RNF20: variants seen among roughly 807,000 people sequenced by gnomAD.
The protein encoded by RNF20 is ring finger protein 20.
A neutral mutation model predicts 126.2 loss-of-function variants in RNF20; 84 were observed. That is an observed-to-expected ratio of 0.67 (90% CI 0.56 to 0.80). The LOEUF (loss-of-function observed/expected upper bound fraction) is 0.80, where lower values mean the gene tolerates loss of function less well. RNF20 is among the 30% of genes least tolerant of loss of function. The pLI, the probability that RNF20 is intolerant of heterozygous loss-of-function variation, is 0.00. For missense variants in RNF20, 869 were observed against 1,188.2 expected, an observed-to-expected ratio of 0.73 and a Z score of 3.95; for synonymous variants, 400 against 414.3, an observed-to-expected ratio of 0.97 and a Z score of 0.42.
chr9:101,558,482 A>G (rs1827572336), intron 16 of RNF20, among the ~76,000 whole-genome samples: 1 of 152,082 alleles, frequency 6.6e-6, no homozygotes, highest in African/African-American at 2.4e-5. Context: ...GACTCTCCAT[A>G]CTGTTTTCCA....
intron 1 of RNF20, chr9:101,534,372 C>T (rs1383574780): frequency 1.3e-5 from 2 of 152,148 alleles, no homozygotes; most frequent in East Asian, 1.9e-4. Flanking sequence ...TTGGCGAATT[C>T]ACTGTTTCAA....
rs763139863 is a variant in RNF20 at position 101,562,125 on chromosome 9, G to A, written c.2751+114G>A. 8 of 1,313,068 alleles carry A rather than the reference G, an allele frequency of 6.1e-6. No homozygotes were observed. The African/African-American group carries it at 8.9e-5, about 15-fold the overall frequency. 81.3% of individuals were successfully genotyped at this position (1,313,068 alleles called of 1,614,324 possible). A position where few individuals can be genotyped will look rare whatever the true frequency, so the allele number is the denominator to read the frequency against. On this transcript the variant is annotated intron_variant, in intron 19 of 19. Coordinates refer to ENST00000389120, the MANE Select transcript of RNF20 (RefSeq NM_019592.7). ...GAGAATGGTTTATTTTGGAGGTTGG[G>A]GGGAAATGATGCTCTTTTTTTAGTG... is the stretch of plus-strand genomic sequence containing the variant.
chr9:101,556,347 A>G (rs1001926720), intron 15 of RNF20, among the ~76,000 whole-genome samples: 1 of 152,204 alleles, frequency 6.6e-6, no homozygotes, highest in Non-Finnish European at 1.5e-5. Flanking sequence ...TGGGACTACT[A>G]GACAGGCTAT....
chr9:101,540,462 C>A, intron 3 of RNF20, 28 bp from the exon 4 acceptor site: 1 of 1,611,672 alleles, frequency 6.2e-7, no homozygotes, highest in African/African-American at 1.3e-5. Flanking sequence ...TCCTTTGTTT[C>A]TTCATAATTG....
At chr9:101,550,083 T>C (rs1432656517) in intron 9 of RNF20, among the ~76,000 whole-genome samples, 1 of 152,232 alleles carries the variant, frequency 6.6e-6, no homozygotes, top group Non-Finnish European at 1.5e-5. Context: ...GTCATCTCTA[T>C]TTTACAAGTT....
intron 16 of RNF20, among the ~76,000 whole-genome samples, chr9:101,560,128 A>G (rs1253307803): frequency 2.6e-5 from 4 of 152,172 alleles, no homozygotes; most frequent in Non-Finnish European, 1.5e-5. Flanking sequence ...GGATTTTGTC[A>G]AATGCTTTTT....
At chr9:101,552,097 C>T (rs763653736) in intron 11 of RNF20, 44 bp from the exon 12 acceptor site, 1 of 1,613,378 alleles carries the variant, frequency 6.2e-7, no homozygotes, top group Non-Finnish European at 8.5e-7. Flanking sequence ...TGTGCCTTTG[C>T]CCTTACCACG....
intron 11 of RNF20, 141 bp from the exon 12 acceptor site, chr9:101,552,000 T>C: frequency 7.6e-7 from 1 of 1,321,198 alleles, no homozygotes; most frequent in Non-Finnish European, 1.0e-6. Context: ...TGACCAGTTT[T>C]GTTTTCATCT....
chr9:101,538,107 G>A (rs1168901535), intron 2 of RNF20, among the ~76,000 whole-genome samples: 1 of 152,186 alleles, frequency 6.6e-6, no homozygotes, highest in African/African-American at 2.4e-5. Context: ...TAAGGAAACT[G>A]GAGAGAGTGA....
At chr9:101,541,063 A>G (rs1302199497) in intron 5 of RNF20, 88 bp downstream of exon 5, 1 of 886,680 alleles carries the variant, frequency 1.1e-6, no homozygotes, top group South Asian at 2.9e-5. Context: ...AAGCTTACAT[A>G]TTTATTTTTA....
At chr9:101,555,453 C>T (rs1474075412) in intron 15 of RNF20, among the ~76,000 whole-genome samples, 2 of 151,558 alleles carry the variant, frequency 1.3e-5, no homozygotes, top group Non-Finnish European at 2.9e-5. Context: ...TTTTAAATGC[C>T]AGGGAATTTT....
At position 101,543,468 on chromosome 9, in the gene RNF20, A is replaced by AGCACTGTCTAACCCTGCCAGGGTG. The variant is rs1564108044; in HGVS notation, c.629-1279_629-1256dup. 6.3e-4 allele frequency among the ~76,000 whole-genome samples: 92 copies of AGCACTGTCTAACCCTGCCAGGGTG among 145,948 alleles called. 1 individual carries two copies. Among genetic ancestry groups the AGCACTGTCTAACCCTGCCAGGGTG allele is most frequent in the African/African-American group, 2.0e-3 (78 of 39,108 alleles). ...GCGGCACTGTCTAACCTGCCAAGGCAGCACTGTCTAACCCTGCCAGGGTGG... is the reference window on the plus strand; with the variant it reads ...GCGGCACTGTCTAACCTGCCAAGGCAGCACTGTCTAACCCTGCCAGGGTGGCACTGTCTAACCCTGCCAGGGTGG... On this transcript the variant is annotated intron_variant, in intron 5 of 19. Coordinates refer to ENST00000389120, the MANE Select transcript of RNF20 (RefSeq NM_019592.7).
chr9:101,550,743 T>C lies in RNF20; in HGVS notation c.1230T>C (p.His410=). 1 of 1,614,220 alleles carries C rather than the reference T, an allele frequency of 6.2e-7. No individual in the cohort carries two copies. The highest frequency in any genetic ancestry group is 8.5e-7 in the Non-Finnish European group (1 of 1,180,032). ...TGGATGAGGCTCGGACCCTGCTTCA[T>C]GGCACCAGAGGAACCCACCAGCACC... is the stretch of plus-strand genomic sequence containing the variant. ...AHLDEARTLL[H]GTRGTHQHQV... The change falls in exon 10 of 20, where the codon CAT becomes CAC. Residue 410 remains histidine, a synonymous_variant. Coordinates refer to ENST00000389120, the MANE Select transcript of RNF20 (RefSeq NM_019592.7).
chr9:101,537,448 C>G (rs1296661525), intron 2 of RNF20, among the ~76,000 whole-genome samples: 1 of 152,090 alleles, frequency 6.6e-6, no homozygotes, highest in Admixed American at 6.5e-5. Flanking sequence ...GTTTGAGATA[C>G]TTATTTGACC....
chr9:101,558,494 A>C (rs1031663707), intron 16 of RNF20, among the ~76,000 whole-genome samples: 4 of 152,106 alleles, frequency 2.6e-5, no homozygotes, highest in African/African-American at 9.7e-5. Flanking sequence ...TGTTTTCCAT[A>C]GTGATTGTAC....
intron 18 of RNF20, 140 bp downstream of exon 18, chr9:101,561,370 T>A: frequency 1.2e-6 from 1 of 838,584 alleles, no homozygotes; most frequent in Non-Finnish European, 1.9e-6. Flanking sequence ...AGAGAGTAAG[T>A]CTGTTTTCTT....
chr9:101,547,745 A>G (rs1219525151), intron 9 of RNF20, among the ~76,000 whole-genome samples: 1 of 152,240 alleles, frequency 6.6e-6, no homozygotes, highest in Non-Finnish European at 1.5e-5. Context: ...CCAATGGCGA[A>G]AAGTTGAAAG....
intron 9 of RNF20, among the ~76,000 whole-genome samples, chr9:101,549,750 C>T (rs908320768): frequency 1.3e-5 from 2 of 152,204 alleles, no homozygotes; most frequent in South Asian, 4.1e-4. Context: ...AAGGCTCGCA[C>T]TCTTGTCTTC....
chr9:101,546,479 G>T (rs1827349134), intron 6 of RNF20, among the ~76,000 whole-genome samples: 2 of 152,220 alleles, frequency 1.3e-5, no homozygotes, highest in South Asian at 2.1e-4. Context: ...CAAAACAAAA[G>T]ATACTATTTA....
Sources: gnomAD v4.1 joint callset for allele counts (sites outside exome capture counted in the v4.1 genomes callset) on GRCh38, gnomAD v4.1.1 for gene constraint, MANE v1.5 for transcripts, NCBI Gene and HGNC (gene_info 2026-07-23, HGNC 2026-07-21) for gene names.